CPNE1: variants seen among roughly 807,000 people sequenced by gnomAD.
The protein encoded by CPNE1 is copine-1.
Under a neutral mutation model 63.2 loss-of-function variants are expected in CPNE1, and 58 were observed. The ratio of observed to expected loss-of-function variants is 0.92; its 90% CI spans 0.74 to 1.14. The LOEUF (loss-of-function observed/expected upper bound fraction) is 1.14. Among genes scored for constraint, CPNE1 ranks in the 50% most tolerant of loss-of-function variants. The pLI is 0.00. For missense variants in CPNE1, 672 were observed against 661.7 expected, an observed-to-expected ratio of 1.02 and a Z score of -0.17; for synonymous variants, 237 against 249.0, an observed-to-expected ratio of 0.95 and a Z score of 0.45.
intron 13 of CPNE1, among the ~76,000 whole-genome samples, chr20:35,630,226 A>G (rs1449248248): frequency 6.6e-6 from 1 of 152,232 alleles, no homozygotes; most frequent in Non-Finnish European, 1.5e-5. Context: ...CCCAGTAGGC[A>G]GAGGTTGCAA....
rs752086922 is a variant in CPNE1, at chr20:35,626,549, A to T, written c.1473+18T>A. ...AGGTGAAAGGGTAAACTCCCAGATC[A>T]AATTTGCACCTACTCACATTCTGGA... On this transcript the variant is annotated intron_variant, in intron 15 of 15. Transcript: ENST00000397443. 2 of 1,611,426 alleles carry T rather than the reference A, an allele frequency of 1.2e-6. No individual in the cohort carries two copies. The highest frequency in any genetic ancestry group is 8.5e-7 in the Non-Finnish European group (1 of 1,177,542).
chr20:35,636,883 CAT>C (rs1397362728), intron 1 of CPNE1, among the ~76,000 whole-genome samples: 3 of 152,088 alleles, frequency 2.0e-5, no homozygotes, highest in African/African-American at 4.8e-5. Context: ...TGAATACAAA[CAT>C]AAATAAATAC....
chr20:35,630,418 A>C, intron 13 of CPNE1, 21 bp downstream of exon 13: 1 of 1,611,608 alleles, frequency 6.2e-7, no homozygotes, highest in Non-Finnish European at 8.5e-7. Context: ...GACCTGCCTC[A>C]GGGTGGATGG....
chr20:35,664,434 G>C (rs144796285), intron 1 of CPNE1: 2 of 152,460 alleles, frequency 1.3e-5, no homozygotes, highest in East Asian at 3.9e-4. Flanking sequence ...CGGGATGTAG[G>C]CGTGTTTTTA....
At chr20:35,637,823 C>G (rs541967158) in intron 1 of CPNE1, among the ~76,000 whole-genome samples, 5 of 152,310 alleles carry the variant, frequency 3.3e-5, no homozygotes, top group Admixed American at 2.0e-4. Context: ...AACTAATCAT[C>G]TAGCCACGCA....
At chr20:35,661,940 G>A (rs891026018) in intron 1 of CPNE1, among the ~76,000 whole-genome samples, 3 of 152,178 alleles carry the variant, frequency 2.0e-5, no homozygotes, top group Non-Finnish European at 4.4e-5. Flanking sequence ...ATTAGCAACA[G>A]AGAACCAATC....
intron 1 of CPNE1, chr20:35,655,126 C>T: frequency 6.2e-7 from 1 of 1,614,142 alleles, no homozygotes; most frequent in South Asian, 1.1e-5. Flanking sequence ...TACTTTTGAC[C>T]CTTTAATTGT....
At chr20:35,652,391 CTA>C in intron 1 of CPNE1, 4 of 1,028,610 alleles carry the variant, frequency 3.9e-6, no homozygotes, top group Non-Finnish European at 5.6e-6. Flanking sequence ...AACCAATGCT[CTA>C]TGTTATGGAA....
rs747992535 is a variant in CPNE1 at position 35,655,432 on chromosome 20, G to A, written c.-1+9328C>T. On this transcript the variant is annotated intron_variant, in intron 1 of 15. Coordinates refer to ENST00000397443, the MANE Select transcript of CPNE1 (RefSeq NM_152925.3). ...ACAAGAATGACCAGCTACCATATTA[G>A]GCCCTCAAATATTCCCTCAAGCTAT... 380 of 1,148,802 alleles carry A rather than the reference G, an allele frequency of 3.3e-4. 2 individuals carry two copies. Among genetic ancestry groups the A allele is most frequent in the Non-Finnish European group, 4.5e-4 (372 of 829,762 alleles). The allele number at this position is 1,148,802 out of a possible 1,614,324, so 71.2% of individuals were successfully genotyped here. A position where few individuals can be genotyped will look rare whatever the true frequency, so the allele number is the denominator to read the frequency against.
At chr20:35,650,535 ATTAACT>A (rs1555879551) in intron 1 of CPNE1, 1 of 152,576 alleles carries the variant, frequency 6.6e-6, no homozygotes, top group Non-Finnish European at 1.5e-5. Context: ...ATTACTTAAC[ATTAACT>A]TAAATTAAAC....
At chr20:35,652,281 T>C in intron 1 of CPNE1, 1 of 431,184 alleles carries the variant, frequency 2.3e-6, no homozygotes, top group Admixed American at 3.9e-5. Flanking sequence ...AAATGGTTTC[T>C]CTAATGGTAT....
In CPNE1 at chr20:35,652,465, T is replaced by A. The variant is rs2146342649; in HGVS notation, c.-1+12295A>T. The A allele has an allele frequency of 2.0e-6, 3 of 1,522,250 alleles. No homozygotes were observed. The East Asian group carries it at 6.8e-5, about 34-fold the overall frequency. 94.3% of individuals were successfully genotyped at this position (1,522,250 alleles called of 1,614,324 possible). On this transcript the variant is annotated intron_variant, in intron 1 of 15. Transcript: ENST00000397443. ...TAACCTGGAAATACTAGGAAAACAA[T>A]CTGGATGCATTAATCACAGCAATAT...
intron 3 of CPNE1, 42 bp from the exon 4 acceptor site, chr20:35,632,427 G>A (rs2032216223): frequency 1.2e-6 from 2 of 1,608,654 alleles, no homozygotes; most frequent in South Asian, 1.1e-5. Flanking sequence ...TAACAGGCAG[G>A]GTTAGGTCCT....
chr20:35,660,195 C>G (rs1488817063), intron 1 of CPNE1, among the ~76,000 whole-genome samples: 1 of 152,014 alleles, frequency 6.6e-6, no homozygotes, highest in African/African-American at 2.4e-5. Context: ...TTGTAGAAAT[C>G]TAGCCTCTTT....
At chr20:35,640,085 C>G (rs962435108) in intron 1 of CPNE1, among the ~76,000 whole-genome samples, 1 of 151,706 alleles carries the variant, frequency 6.6e-6, no homozygotes, top group African/African-American at 2.4e-5. Flanking sequence ...GTTTTGTTCA[C>G]AGATTTGTCT....
At chr20:35,650,271 A>G (rs970917153) in intron 1 of CPNE1, 5 of 152,274 alleles carry the variant, frequency 3.3e-5, no homozygotes, top group African/African-American at 1.2e-4. Flanking sequence ...GAACAATGAA[A>G]TCGTTTTCCT....
chr20:35,637,831 G>A (rs563871476), intron 1 of CPNE1, among the ~76,000 whole-genome samples: 14 of 152,196 alleles, frequency 9.2e-5, no homozygotes, highest in South Asian at 8.3e-4. Context: ...ATCTAGCCAC[G>A]CAACTATCCT....
In CPNE1 at chr20:35,660,740, C is replaced by A. The variant is rs543611123; in HGVS notation, c.-1+4020G>T. The stretch of plus-strand genomic sequence containing the variant: ...CTAGAACTTGTAATAAACATCTGAT[C>A]CCTACTGGAGATTCCAATTCAAAAG... On this transcript the variant is annotated intron_variant, in intron 1 of 15. Coordinates refer to ENST00000397443, the MANE Select transcript of CPNE1 (RefSeq NM_152925.3). Among the ~76,000 whole-genome samples, 14 of 152,264 alleles carry A rather than the reference C, an allele frequency of 9.2e-5. No homozygotes were observed. The South Asian group carries it at 2.9e-3, about 32-fold the overall frequency.
chr20:35,659,120 C>A, intron 1 of CPNE1: 38 of 363,118 alleles, frequency 1.0e-4, no homozygotes, highest in Non-Finnish European at 1.4e-4. Context: ...CACCAGAGTA[C>A]TTCATTAGAA....
Sources: allele counts gnomAD v4.1 joint callset (sites outside exome capture counted in the v4.1 genomes callset), GRCh38; gene constraint gnomAD v4.1.1; transcripts MANE v1.5; gene names NCBI Gene and HGNC (gene_info 2026-07-23, HGNC 2026-07-21).